SAMD4B: variants seen among roughly 807,000 people sequenced by gnomAD.
SAMD4B encodes protein Smaug homolog 2.
SAMD4B carries 5 observed loss-of-function variants against 74.5 expected under a neutral mutation model. That is an observed-to-expected ratio of 0.07 (90% confidence interval 0.04 to 0.14). The LOEUF is 0.14. Ranked by LOEUF, SAMD4B falls within the 10% of genes least tolerant of loss-of-function variation. The probability of loss-of-function intolerance (pLI) is 1.00; values close to 1 mark genes in which losing one functional copy is unlikely to be tolerated. For synonymous variants in SAMD4B, 373 were observed against 374.9 expected (o/e 1.00, Z 0.06); for missense variants, 608 against 921.8 (o/e 0.66, Z 4.41).
downstream of SAMD4B, among the ~76,000 whole-genome samples, chr19:39,387,657 G>A (rs1437497773): frequency 6.6e-6 from 1 of 152,230 alleles, no homozygotes; most frequent in Non-Finnish European, 1.5e-5. Flanking sequence ...AGTAAACTTT[G>A]AGCCATAAGG....
At chr19:39,363,459 G>A (rs1330559002) in intron 3 of SAMD4B, among the ~76,000 whole-genome samples, 1 of 152,154 alleles carries the variant, frequency 6.6e-6, no homozygotes, top group East Asian at 1.9e-4. Context: ...TAAGGGGAAG[G>A]CCCAGATGTG....
In SAMD4B at chr19:39,384,903, CAAAAAAAA is replaced by C. The variant is rs1486435233; in HGVS notation, c.*1377_*1384del. ...AAGATACAAAATGTTGGGAAAAAAACAAAAAAAACAAAAAAAAAAAAAATTTTAAAACC... is the reference window on the plus strand; with the variant it reads ...AAGATACAAAATGTTGGGAAAAAAACCAAAAAAAAAAAAAATTTTAAAACC... On this transcript the variant is annotated 3_prime_UTR_variant, in exon 14 of 14. Transcript: ENST00000610417. 1.6e-4 allele frequency: 23 copies of C among 146,778 alleles called. No individual in the cohort carries two copies. The highest frequency in any genetic ancestry group is 4.8e-4 in the African/African-American group (19 of 39,966). The allele number at this position is 146,778 out of a possible 1,614,324, so 9.1% of individuals were successfully genotyped here.
chr19:39,356,631 C>T, intron 2 of SAMD4B, 58 bp from the exon 3 acceptor site: 1 of 363,034 alleles, frequency 2.8e-6, no homozygotes, highest in Non-Finnish European at 5.0e-6. Flanking sequence ...TCAACCCACA[C>T]TCACCAGGCA....
At chr19:39,363,039 C>T (rs6508861) in intron 3 of SAMD4B, among the ~76,000 whole-genome samples, 2,477 of 152,222 alleles carry the variant, frequency 0.016, 62 homozygotes, top group African/African-American at 0.056. Flanking sequence ...TAGAGCCAAA[C>T]CCTAGCCCCT....
chr19:39,365,422 C>T (rs187858544), intron 3 of SAMD4B, among the ~76,000 whole-genome samples: 17 of 151,912 alleles, frequency 1.1e-4, no homozygotes, highest in Admixed American at 6.6e-4. Context: ...GGTGTGGTGG[C>T]GTGCGCCTGT....
At chr19:39,355,672 T>C (rs2093365545) in intron 2 of SAMD4B, among the ~76,000 whole-genome samples, 2 of 152,044 alleles carry the variant, frequency 1.3e-5, no homozygotes, top group South Asian at 2.1e-4. Context: ...GCCTTCGGAG[T>C]GGTGTCCAGA....
At chr19:39,374,163 C>T (rs1056015099) in intron 4 of SAMD4B, among the ~76,000 whole-genome samples, 4 of 152,000 alleles carry the variant, frequency 2.6e-5, no homozygotes, top group Non-Finnish European at 5.9e-5. Context: ...CCCAGCTACT[C>T]GGGAGGCTGA....
chr19:39,370,181 G>A, intron 4 of SAMD4B, 56 bp downstream of exon 4: 3 of 1,491,922 alleles, frequency 2.0e-6, no homozygotes, highest in East Asian at 2.5e-5. Flanking sequence ...GTTGGACTAG[G>A]CTCAGTGAGA....
intron 3 of SAMD4B, among the ~76,000 whole-genome samples, chr19:39,366,588 T>C (rs1448358215): frequency 1.3e-5 from 2 of 152,206 alleles, no homozygotes; most frequent in African/African-American, 4.8e-5. Context: ...TGAGATTCAT[T>C]TTCCTAAGGC....
In SAMD4B at chr19:39,377,644, G is replaced by C. The variant is rs752979348; in HGVS notation, c.1264G>C (p.Gly422Arg). Residue 422 changes from glycine to arginine, a missense_variant, in exon 8 of 14, where the codon GGT becomes CGT. By Grantham distance (125) the Gly-to-Arg change is moderately radical. Transcript: ENST00000610417. ...DGAPGEPPLP[G>R]AEPPLAHPGT... ...GGCCCCGGGGGAACCACCGCTGCCA[G>C]GTGCTGAGCCTCCCCTAGCCCACCC... is the stretch of plus-strand genomic sequence containing the variant. The C allele has an allele frequency of 2.5e-6, 4 of 1,613,948 alleles. No homozygotes were observed. Among genetic ancestry groups the C allele is most frequent in the Non-Finnish European group, 3.4e-6 (4 of 1,179,976 alleles).
At chr19:39,367,569 C>T (rs1461235161) in intron 3 of SAMD4B, among the ~76,000 whole-genome samples, 6 of 137,296 alleles carry the variant, frequency 4.4e-5, no homozygotes, top group Admixed American at 2.5e-4. Context: ...AGTGCAGTGG[C>T]GCGATCTCGG....
chr19:39,345,550 G>A (rs2075645557), intron 1 of SAMD4B, among the ~76,000 whole-genome samples: 1 of 152,106 alleles, frequency 6.6e-6, no homozygotes, highest in South Asian at 2.1e-4. Flanking sequence ...CCCTCAGGAG[G>A]TCTTTTCATT....
At position 39,383,590 on chromosome 19, in the gene SAMD4B, C is replaced by T. The variant is rs757609205; in HGVS notation, c.*63C>T. Reference sequence around the variant, plus strand: ...GCGGCGGGCGGGGGCCAACCCCCAACGGGCTTCTCCGCGACAGCGAGAGGG... The same window carrying T: ...GCGGCGGGCGGGGGCCAACCCCCAATGGGCTTCTCCGCGACAGCGAGAGGG... On this transcript the variant is annotated 3_prime_UTR_variant, in exon 14 of 14. Coordinates refer to ENST00000610417, the MANE Select transcript of SAMD4B (RefSeq NM_001384574.2). The surrounding 1 kb of genome is among the most constrained non-coding windows in gnomAD (Gnocchi z 4.1). 7 of 1,614,036 alleles carry T rather than the reference C, an allele frequency of 4.3e-6. No individual in the cohort carries two copies. Among genetic ancestry groups the T allele is most frequent in the Middle Eastern group, 1.6e-4 (1 of 6,062 alleles).
At chr19:39,388,661 C>G, downstream of SAMD4B, 1 of 1,614,158 alleles carries the variant, frequency 6.2e-7, no homozygotes, top group Non-Finnish European at 8.5e-7. Context: ...GGTTCCCTTC[C>G]TCATCCATCA....
chr19:39,388,431 G>A (rs117135495), downstream of SAMD4B: 5,606 of 1,614,060 alleles, frequency 3.5e-3, 50 homozygotes, highest in East Asian at 0.018. Flanking sequence ...TGTTCTTCAC[G>A]TTCCAGTTGT....
intron 1 of SAMD4B, 58 bp downstream of exon 1, chr19:39,342,634 C>T (rs1444098160): frequency 2.0e-5 from 3 of 147,290 alleles, no homozygotes; most frequent in African/African-American, 7.4e-5. Context: ...GCGGGGCTCC[C>T]CTCAGGGCGA....
At chr19:39,364,358 C>T (rs2076828391) in intron 3 of SAMD4B, among the ~76,000 whole-genome samples, 1 of 152,154 alleles carries the variant, frequency 6.6e-6, no homozygotes, top group Non-Finnish European at 1.5e-5. Context: ...GCTGACTCGA[C>T]TACTGGAGAA....
chr19:39,348,462 G>T (rs1357202966), intron 1 of SAMD4B: 1 of 152,258 alleles, frequency 6.6e-6, no homozygotes, highest in Non-Finnish European at 1.5e-5. Flanking sequence ...CAGGCAGAGA[G>T]GTCAGCAGGT....
intron 3 of SAMD4B, among the ~76,000 whole-genome samples, chr19:39,364,966 G>A (rs547965137): frequency 2.0e-5 from 3 of 152,244 alleles, no homozygotes; most frequent in East Asian, 1.9e-4. Context: ...CTGGCTGGGC[G>A]CAGTGGCTCA....
Sources: gnomAD v4.1 joint callset for allele counts (sites outside exome capture counted in the v4.1 genomes callset) on GRCh38, gnomAD v4.1.1 for gene constraint, Gnocchi (gnomAD v3.1) non-coding constraint, MANE v1.5 for transcripts, NCBI Gene and HGNC (gene_info 2026-07-23, HGNC 2026-07-21) for gene names.